CCDC88A: variants seen among roughly 807,000 people sequenced by gnomAD.
CCDC88A encodes girdin.
In CCDC88A, 54 loss-of-function variants were observed where a neutral mutation model predicts 234.3. The ratio of observed to expected loss-of-function variants is 0.23; its 90% CI spans 0.19 to 0.29. The LOEUF (loss-of-function observed/expected upper bound fraction) is 0.29, where lower values mean the gene tolerates loss of function less well. Ranked by LOEUF, CCDC88A falls within the 10% of genes least tolerant of loss-of-function variation. The pLI is 1.00. For missense variants in CCDC88A, 1,832 were observed against 2,123.4 expected, an observed-to-expected ratio of 0.86 and a Z score of 2.70; for synonymous variants, 753 against 737.8, an observed-to-expected ratio of 1.02 and a Z score of -0.33.
intron 2 of CCDC88A, among the ~76,000 whole-genome samples, chr2:55,413,568 T>A (rs754707721): frequency 2.0e-5 from 3 of 152,178 alleles, no homozygotes; most frequent in Non-Finnish European, 2.9e-5. Flanking sequence ...TATTCAATCA[T>A]TCAACAGAAA....
At position 55,296,347 on chromosome 2, in the gene CCDC88A, G is replaced by A. The variant is rs745895451; in HGVS notation, c.5002C>T (p.His1668Tyr). Reference protein sequence around the residue: ...HKISETLESRHHKIKTGSPGS... With the variant: ...HKISETLESRYHKIKTGSPGS... The stretch of plus-strand genomic sequence containing the variant: ...GGGGAACCAGTTTTGATCTTGTGAT[G>A]TCGACTCTCCAGTGTTTCAGATATT... Residue 1668 changes from histidine to tyrosine, a missense_variant, in exon 30 of 33, where the codon CAT (histidine) becomes TAT (tyrosine). Transcript: ENST00000436346. 1 of 1,614,154 alleles carries A rather than the reference G, an allele frequency of 6.2e-7. No individual in the cohort carries two copies. Among genetic ancestry groups the A allele is most frequent in the South Asian group, 1.1e-5 (1 of 91,086 alleles).
In CCDC88A at chr2:55,332,386, T is replaced by A. The variant is rs1685022689; in HGVS notation, c.2855+180A>T. 1.5e-5 allele frequency: 16 copies of A among 1,083,492 alleles called. No homozygotes were observed. In the South Asian group the frequency reaches 4.2e-4, roughly 28 times the overall value. The allele number at this position is 1,083,492 out of a possible 1,614,324, so 67.1% of individuals were successfully genotyped here. ...ATCCGCCCGCTTCAGCCTCCCAAAG[T>A]GCTGGGATTATAGGTGTGAGCCACC... is the stretch of plus-strand genomic sequence containing the variant. On this transcript the variant is annotated intron_variant, in intron 16 of 32. Transcript: ENST00000436346. This position sits in a 1 kb window ranked among gnomAD's most constrained non-coding sequence, Gnocchi z 4.5.
At chr2:55,415,864 C>A (rs1197030979) in intron 2 of CCDC88A, among the ~76,000 whole-genome samples, 1 of 152,026 alleles carries the variant, frequency 6.6e-6, no homozygotes, top group Non-Finnish European at 1.5e-5. Flanking sequence ...AAAAGCATGT[C>A]CCCAAAAGAT....
At chr2:55,411,596 T>C (rs1680487544) in intron 2 of CCDC88A, among the ~76,000 whole-genome samples, 2 of 151,406 alleles carry the variant, frequency 1.3e-5, no homozygotes, top group Admixed American at 6.6e-5. Context: ...CTGGCCAAAA[T>C]GGTGAAATCC....
chr2:55,309,722 CA>C lies in CCDC88A; in HGVS notation c.4080-469del, dbSNP rs1475946558. Among the ~76,000 whole-genome samples, 1 of 150,148 alleles carries C rather than the reference CA, an allele frequency of 6.7e-6. No individual in the cohort carries two copies. Among genetic ancestry groups the C allele is most frequent in the Non-Finnish European group, 1.5e-5 (1 of 67,952 alleles). ...TATACAGAGAAACATCAAAGATCAT[CA>C]AAGTATTGTCTCTAAGAAAACCCCA... On this transcript the variant is annotated intron_variant, in intron 23 of 32. Transcript: ENST00000436346. The surrounding 1 kb of genome is among the most constrained non-coding windows in gnomAD (Gnocchi z 5.1).
intron 3 of CCDC88A, among the ~76,000 whole-genome samples, chr2:55,386,240 G>C (rs1468813643): frequency 6.7e-6 from 1 of 150,112 alleles, no homozygotes; most frequent in Non-Finnish European, 1.5e-5. Context: ...AAAAAATACA[G>C]AGACAGAAGA....
In CCDC88A at chr2:55,419,554, C is replaced by T. The variant is rs1207250157; in HGVS notation, c.-475G>A. 3 of 157,970 alleles carry T rather than the reference C, an allele frequency of 1.9e-5. No individual in the cohort carries two copies. The highest frequency in any genetic ancestry group is 7.2e-5 in the African/African-American group (3 of 41,464). 9.8% of individuals were successfully genotyped at this position (157,970 alleles called of 1,614,324 possible). ...CTCGACCTCGGCGTTCCGACCTCTACACGTTCCACCCACCGATGGGCATGG... is the reference window on the plus strand; with the variant it reads ...CTCGACCTCGGCGTTCCGACCTCTATACGTTCCACCCACCGATGGGCATGG... On this transcript the variant is annotated 5_prime_UTR_variant, in exon 1 of 33. Coordinates refer to ENST00000436346, the MANE Select transcript of CCDC88A (RefSeq NM_001365480.1).
At chr2:55,372,567 A>AT in intron 4 of CCDC88A, 57 bp from the exon 5 acceptor site, 1 of 834,202 alleles carries the variant, frequency 1.2e-6, no homozygotes, top group African/African-American at 1.7e-5. Context: ...ACTCTATTAT[A>AT]TTTGGAGAAT....
At chr2:55,322,485 T>C (rs759387960) in intron 18 of CCDC88A, 43 bp downstream of exon 18, 3 of 1,195,448 alleles carry the variant, frequency 2.5e-6, no homozygotes, top group African/African-American at 1.5e-5. Flanking sequence ...TGATCCTCTA[T>C]TTCTAAAAAA....
intron 12 of CCDC88A, chr2:55,339,858 GTCTC>G (rs2104706502): frequency 2.5e-6 from 1 of 402,886 alleles, no homozygotes; most frequent in Non-Finnish European, 4.3e-6. Context: ...AAGAGACGGG[GTCTC>G]TCTCTGTCAC....
Position 55,363,978 on chromosome 2 carries a change from T to C in CCDC88A, c.458A>G (p.Lys153Arg). ...TTGAATATGTGCGGCAACCGCTGCT[T>C]TTGTATCAAAATCTAAACCTTGAAT... ...ERIQGLDFDT[K>R]AAVAAHIQEV... The change falls in exon 6 of 33, where the codon AAA becomes AGA. Residue 153 changes from lysine (K) to arginine (R), a missense_variant. Around this residue, in one of 6 missense-constraint regions of CCDC88A, gnomAD observed 1,282 missense variants for 1,543.6 expected, o/e 0.83. Transcript: ENST00000436346. The C allele has an allele frequency of 6.3e-7, 1 of 1,599,532 alleles. No individual in the cohort carries two copies. Among genetic ancestry groups the C allele is most frequent in the Non-Finnish European group, 8.5e-7 (1 of 1,170,514 alleles).
At chr2:55,299,977 G>GT in intron 28 of CCDC88A, 58 bp from the exon 29 acceptor site, 1 of 1,102,818 alleles carries the variant, frequency 9.1e-7, no homozygotes, top group Middle Eastern at 2.0e-4. Context: ...ATGCTGATGA[G>GT]CTTTTACATT....
chr2:55,393,602 A>G (rs914185839), intron 2 of CCDC88A, among the ~76,000 whole-genome samples: 9 of 151,962 alleles, frequency 5.9e-5, no homozygotes, highest in African/African-American at 1.9e-4. Flanking sequence ...CCAAAACTAT[A>G]GAGTTTTTGA....
intron 2 of CCDC88A, among the ~76,000 whole-genome samples, chr2:55,410,149 G>C (rs1462187660): frequency 6.6e-6 from 1 of 152,124 alleles, no homozygotes; most frequent in Non-Finnish European, 1.5e-5. Context: ...TCCTAGGTCT[G>C]TCCTTAGAAA....
chr2:55,330,482 G>T (rs1684785948), intron 16 of CCDC88A, among the ~76,000 whole-genome samples: 1 of 126,636 alleles, frequency 7.9e-6, no homozygotes, highest in African/African-American at 3.0e-5. Flanking sequence ...TCAAAAAAAA[G>T]AAAGACGGGA....
rs948649359 is a variant in CCDC88A, at chr2:55,419,574, G to C, written c.-495C>G. ...CTCTACACGTTCCACCCACCGATGG[G>C]CATGGAGCCGCTTTCGACCCGCGGA... On this transcript the variant is annotated 5_prime_UTR_variant, in exon 1 of 33. Coordinates refer to ENST00000436346, the MANE Select transcript of CCDC88A (RefSeq NM_001365480.1). 1 of 154,888 alleles carries C rather than the reference G, an allele frequency of 6.5e-6. No individual in the cohort carries two copies. The highest frequency in any genetic ancestry group is 1.4e-5 in the Non-Finnish European group (1 of 69,972). 9.6% of individuals were successfully genotyped at this position (154,888 alleles called of 1,614,324 possible).
chr2:55,305,810 A>G (rs192348293), intron 25 of CCDC88A, among the ~76,000 whole-genome samples: 111 of 152,232 alleles, frequency 7.3e-4, no homozygotes, highest in African/African-American at 1.0e-3. Context: ...GCGGTGAGCT[A>G]TCATTACACC....
rs535668228 is a variant in CCDC88A, at chr2:55,287,991, T to G, written c.*3209A>C. ...TATCTCTTGTCATGAGTTGGATGCC[T>G]GTGACTGACATCAGGTATTGCCAAG... is the stretch of plus-strand genomic sequence containing the variant. On this transcript the variant is annotated 3_prime_UTR_variant, in exon 33 of 33. Coordinates refer to ENST00000436346, the MANE Select transcript of CCDC88A (RefSeq NM_001365480.1). The G allele has an allele frequency of 6.6e-6, 1 of 152,662 alleles. No homozygotes were observed. Among genetic ancestry groups the G allele is most frequent in the Non-Finnish European group, 1.5e-5 (1 of 68,022 alleles). The allele number at this position is 152,662 out of a possible 1,614,324, so 9.5% of individuals were successfully genotyped here.
At chr2:55,372,842 G>C (rs1241501483) in intron 4 of CCDC88A, among the ~76,000 whole-genome samples, 1 of 152,166 alleles carries the variant, frequency 6.6e-6, no homozygotes, top group Non-Finnish European at 1.5e-5. Context: ...AAATCAGGTT[G>C]ATACAGGGAC....
Sources: gnomAD v4.1 joint callset for allele counts (sites outside exome capture counted in the v4.1 genomes callset) on GRCh38, gnomAD v4.1.1 for gene constraint, gnomAD v4.1.1 regional missense constraint, Gnocchi (gnomAD v3.1) non-coding constraint, MANE v1.5 for transcripts, NCBI Gene and HGNC (gene_info 2026-07-23, HGNC 2026-07-21) for gene names.